Variants in HIPK3 observed in about 807,000 individuals in gnomAD.
HIPK3 encodes the protein homeodomain interacting protein kinase 3, also known as homeodomain-interacting protein kinase 3.
A neutral mutation model predicts 124.2 loss-of-function variants in HIPK3; 47 were observed. The ratio of observed to expected loss-of-function variants is 0.38; its 90% CI spans 0.30 to 0.48. The LOEUF (loss-of-function observed/expected upper bound fraction) is 0.48. Among genes scored for constraint, HIPK3 ranks in the 20% least tolerant of loss-of-function variants. HIPK3 has a pLI of 0.98. For missense variants in HIPK3, 1,286 were observed against 1,454.3 expected (o/e 0.88, Z 1.88); for synonymous variants, 482 against 515.2 (o/e 0.94, Z 0.87).
chr11:33,313,002 G>A (rs992570948), intron 2 of HIPK3, among the ~76,000 whole-genome samples: 4 of 152,170 alleles, frequency 2.6e-5, no homozygotes, highest in Non-Finnish European at 5.9e-5. Context: ...GACTATACCA[G>A]CACATAACAA....
intron 1 of HIPK3, among the ~76,000 whole-genome samples, chr11:33,259,082 T>TAG (rs1850756084): frequency 6.6e-6 from 1 of 152,148 alleles, no homozygotes; most frequent in African/African-American, 2.4e-5. Flanking sequence ...CTGCTGACAC[T>TAG]TTTTCCCTTT....
intron 2 of HIPK3, among the ~76,000 whole-genome samples, chr11:33,299,108 A>G (rs1465823119): frequency 2.0e-5 from 3 of 151,188 alleles, no homozygotes; most frequent in South Asian, 4.2e-4. Flanking sequence ...CGGCCTCCCA[A>G]AGTGCTGGGA....
At chr11:33,280,418 A>G (rs900586254) in intron 1 of HIPK3, among the ~76,000 whole-genome samples, 2 of 152,214 alleles carry the variant, frequency 1.3e-5, no homozygotes, top group Non-Finnish European at 2.9e-5. Flanking sequence ...GAAGGAAAAG[A>G]GTTAATACCT....
In HIPK3 at chr11:33,287,342, C is replaced by T; in HGVS notation, c.928C>T (p.Leu310=). Residue 310 remains leucine, a synonymous_variant, in exon 2 of 17, where the codon CTG becomes TTG. Coordinates refer to ENST00000303296, the MANE Select transcript of HIPK3 (RefSeq NM_005734.5). ...CATTCTTCAACAAGTGGCCACTGCA[C>T]TGAAAAAATTGAAAAGTCTTGGTTT... ...RPILQQVATA[L]KKLKSLGLIH... is the part of the protein sequence containing the mutation. 1 of 1,614,120 alleles carries T rather than the reference C, an allele frequency of 6.2e-7. No individual in the cohort carries two copies. The highest frequency in any genetic ancestry group is 1.1e-5 in the South Asian group (1 of 91,086).
rs369454187 is a variant in HIPK3, at chr11:33,278,676, C to T, written c.-2-7737C>T. Among the ~76,000 whole-genome samples, 42 of 152,184 alleles carry T rather than the reference C, an allele frequency of 2.8e-4. No homozygotes were observed. In the East Asian group the frequency reaches 7.2e-3, roughly 26 times the overall value. On this transcript the variant is annotated intron_variant, in intron 1 of 16. Coordinates refer to ENST00000303296, the MANE Select transcript of HIPK3 (RefSeq NM_005734.5). ...TGGCTAACATGGTGAAACTCCGTCT[C>T]TACTAAAAATACGAAAAATTAGCCG...
chr11:33,339,447 A>G lies in HIPK3; in HGVS notation c.1526A>G (p.Asp509Gly), dbSNP rs769673994. 3 of 1,613,324 alleles carry G rather than the reference A, an allele frequency of 1.9e-6. No individual in the cohort carries two copies. The highest frequency in any genetic ancestry group is 1.7e-5 in the Admixed American group (1 of 60,022). The stretch of plus-strand genomic sequence containing the variant: ...CTGTTGAAGAAAATGTTGCTGATTG[A>G]TGCAGATTTAAGAATTACTCCAGCT... ...VSLLKKMLLI[D>G]ADLRITPAET... is the part of the protein sequence containing the mutation. The change falls in exon 6 of 17, where the codon GAT becomes GGT. Residue 509 changes from aspartate to glycine, a missense_variant. This residue lies in a region of HIPK3 where 810 missense variants were observed against 864.9 expected (regional missense o/e 0.94). Coordinates refer to ENST00000303296, the MANE Select transcript of HIPK3 (RefSeq NM_005734.5).
chr11:33,331,140 C>T (rs1852969522), intron 3 of HIPK3, among the ~76,000 whole-genome samples: 1 of 152,166 alleles, frequency 6.6e-6, no homozygotes, highest in Admixed American at 6.5e-5. Flanking sequence ...ACCTTGGCCT[C>T]CCAAAGTGTT....
chr11:33,292,755 A>C (rs77551939), intron 2 of HIPK3, among the ~76,000 whole-genome samples: 1 of 152,160 alleles, frequency 6.6e-6, no homozygotes, highest in Non-Finnish European at 1.5e-5. Flanking sequence ...CTTTTTTTTA[A>C]GATGGAGTCT....
intron 12 of HIPK3, 91 bp from the exon 13 acceptor site, chr11:33,348,431 G>A: frequency 8.7e-7 from 1 of 1,149,004 alleles, no homozygotes; most frequent in South Asian, 1.6e-5. Flanking sequence ...AACAAGTGAA[G>A]GTTCTCATTT....
In HIPK3 at chr11:33,316,902, A is replaced by G. The variant is rs1256551363; in HGVS notation, c.1098-11608A>G. Among the ~76,000 whole-genome samples the G allele has an allele frequency of 4.6e-5, 7 of 152,240 alleles. No homozygotes were observed. The East Asian group carries it at 7.7e-4, about 17-fold the overall frequency. The stretch of plus-strand genomic sequence containing the variant: ...AGATTCACTTAAGATCTAATTTGAT[A>G]CTTATAGTAAGAAAACTAGTAAATT... On this transcript the variant is annotated intron_variant, in intron 2 of 16. Transcript: ENST00000303296.
At chr11:33,341,234 T>C (rs949165314) in intron 7 of HIPK3, 107 bp downstream of exon 7, 2 of 742,014 alleles carry the variant, frequency 2.7e-6, no homozygotes, top group African/African-American at 3.6e-5. Flanking sequence ...TGTACAGTGC[T>C]GTGAGGTCTT....
intron 1 of HIPK3, 94 bp downstream of exon 1, chr11:33,257,983 G>GGGCCT: frequency 1.2e-5 from 11 of 952,090 alleles, no homozygotes; most frequent in Non-Finnish European, 1.4e-5. Context: ...AGCCTGACCC[G>GGGCCT]GGCCTGGCCC....
chr11:33,353,741 G>C lies in HIPK3; in HGVS notation c.*173G>C, dbSNP rs1177784317. ...ACTTTTGATGTGTTTTGCACATTTG[G>C]TATAACTTGTCTTTGGTCATGTTAT... On this transcript the variant is annotated 3_prime_UTR_variant, in exon 17 of 17. Coordinates refer to ENST00000303296, the MANE Select transcript of HIPK3 (RefSeq NM_005734.5). 3.5e-6 allele frequency: 2 copies of C among 577,056 alleles called. No homozygotes were observed. The highest frequency in any genetic ancestry group is 6.2e-6 in the Non-Finnish European group (2 of 324,846). The allele number at this position is 577,056 out of a possible 1,614,324, so 35.7% of individuals were successfully genotyped here.
intron 1 of HIPK3, among the ~76,000 whole-genome samples, chr11:33,270,653 AAAT>A (rs1407421195): frequency 6.6e-6 from 1 of 152,178 alleles, no homozygotes; most frequent in Non-Finnish European, 1.5e-5. Flanking sequence ...CTGCTATTTA[AAAT>A]AATAATAGTT....
chr11:33,269,937 C>T (rs1272704300), intron 1 of HIPK3, among the ~76,000 whole-genome samples: 2 of 152,074 alleles, frequency 1.3e-5, no homozygotes, highest in Non-Finnish European at 2.9e-5. Flanking sequence ...CTAGCATCCT[C>T]ATTTCTATTG....
chr11:33,317,626 A>G (rs1249942043), intron 2 of HIPK3, among the ~76,000 whole-genome samples: 2 of 152,214 alleles, frequency 1.3e-5, no homozygotes, highest in East Asian at 3.8e-4. Context: ...GTGGAAATAT[A>G]TAGCATTTCC....
At chr11:33,321,639 GGAC>G (rs1852665967) in intron 2 of HIPK3, among the ~76,000 whole-genome samples, 1 of 152,138 alleles carries the variant, frequency 6.6e-6, no homozygotes, top group Non-Finnish European at 1.5e-5. Flanking sequence ...TAGAATACAA[GGAC>G]AACAGTGAGG....
chr11:33,351,482 A>G (rs1311736097), intron 14 of HIPK3, 126 bp from the exon 15 acceptor site: 7 of 648,534 alleles, frequency 1.1e-5, no homozygotes, highest in Non-Finnish European at 1.6e-5. Context: ...ACAAGGAAAA[A>G]GGTGTAATTA....
chr11:33,348,867 G>A lies in HIPK3; in HGVS notation c.2666+49G>A, dbSNP rs776382579. ...CAAAGGATATAGATGGCATCCTTTGGTGTGCCGAAAAACAACTTTCTGTGA... is the reference window on the plus strand; with the variant it reads ...CAAAGGATATAGATGGCATCCTTTGATGTGCCGAAAAACAACTTTCTGTGA... On this transcript the variant is annotated intron_variant, in intron 13 of 16. Transcript: ENST00000303296. 7.8e-6 allele frequency: 12 copies of A among 1,530,748 alleles called. No individual in the cohort carries two copies. In the East Asian group the frequency reaches 2.5e-4, roughly 32 times the overall value. The allele number at this position is 1,530,748 out of a possible 1,614,324, so 94.8% of individuals were successfully genotyped here.
Sources: allele counts gnomAD v4.1 joint callset (sites outside exome capture counted in the v4.1 genomes callset), GRCh38; gene constraint gnomAD v4.1.1; regional missense constraint gnomAD v4.1.1; transcripts MANE v1.5; gene names NCBI Gene and HGNC (gene_info 2026-07-23, HGNC 2026-07-21).